Variants in CNTNAP2 observed in about 807,000 individuals in gnomAD.
CNTNAP2 encodes contactin associated protein 2.
Under a neutral mutation model 155.2 loss-of-function variants are expected in CNTNAP2, and 98 were observed. That is an observed-to-expected ratio of 0.63 (90% confidence interval 0.54 to 0.75). CNTNAP2 has a LOEUF of 0.75. Among genes scored for constraint, CNTNAP2 ranks in the 30% least tolerant of loss-of-function variants. The probability of loss-of-function intolerance (pLI) is 0.00; values close to 1 mark genes in which losing one functional copy is unlikely to be tolerated. For synonymous variants in CNTNAP2, 651 were observed against 631.2 expected, an observed-to-expected ratio of 1.03 and a Z score of -0.47; for missense variants, 1,727 against 1,688.1, an observed-to-expected ratio of 1.02 and a Z score of -0.40.
chr7:147,613,023 G>A (rs909323598), intron 12 of CNTNAP2, among the ~76,000 whole-genome samples: 4 of 151,982 alleles, frequency 2.6e-5, no homozygotes, highest in Middle Eastern at 3.4e-3. Flanking sequence ...AATTCCTTTA[G>A]GATATATAAC....
chr7:146,125,372 C>A (rs1334681431), intron 1 of CNTNAP2, among the ~76,000 whole-genome samples: 1 of 151,782 alleles, frequency 6.6e-6, no homozygotes, highest in Non-Finnish European at 1.5e-5. Context: ...GTCAGGAGAT[C>A]GAGAACATCC....
At chr7:146,856,293 GATAGATACATACATACATAC>G (rs1380570911) in intron 3 of CNTNAP2, among the ~76,000 whole-genome samples, 76 of 63,060 alleles carry the variant, frequency 1.2e-3, no homozygotes, top group African/African-American at 1.7e-3. Context: ...TAGATAGATA[GATAGATACATACATACATAC>G]ATACATACAT....
At chr7:146,833,991 A>G (rs1803566730) in intron 2 of CNTNAP2, among the ~76,000 whole-genome samples, 1 of 152,054 alleles carries the variant, frequency 6.6e-6, no homozygotes, top group African/African-American at 2.4e-5. Flanking sequence ...TCATAATGCA[A>G]TTTTGCCTGG....
At chr7:146,603,245 T>A (rs1013348315) in intron 1 of CNTNAP2, among the ~76,000 whole-genome samples, 1 of 151,042 alleles carries the variant, frequency 6.6e-6, no homozygotes, top group Admixed American at 6.6e-5. Flanking sequence ...ACCCCGTCTC[T>A]ACTAAAAATA....
chr7:146,861,147 G>T (rs532269516), intron 3 of CNTNAP2, among the ~76,000 whole-genome samples: 2 of 151,728 alleles, frequency 1.3e-5, no homozygotes, highest in South Asian at 2.1e-4. Flanking sequence ...TGCAACCTCC[G>T]CCTCCCGGGT....
At chr7:146,940,378 G>A (rs528847201) in intron 3 of CNTNAP2, among the ~76,000 whole-genome samples, 1 of 151,874 alleles carries the variant, frequency 6.6e-6, no homozygotes, top group South Asian at 2.1e-4. Context: ...TTGTATTTTA[G>A]TAGAGACGGG....
chr7:147,900,620 T>C (rs1316985814), intron 13 of CNTNAP2, among the ~76,000 whole-genome samples: 1 of 152,080 alleles, frequency 6.6e-6, no homozygotes, highest in African/African-American at 2.4e-5. Context: ...GTTTGTTTTG[T>C]TTTGTTTTGT....
intron 13 of CNTNAP2, among the ~76,000 whole-genome samples, chr7:147,814,254 G>A (rs987567370): frequency 9.2e-5 from 14 of 152,054 alleles, no homozygotes; most frequent in African/African-American, 3.4e-4. Context: ...GCTAAACAAG[G>A]CATAAAATTT....
chr7:148,154,345 T>G (rs1039043412), intron 17 of CNTNAP2, among the ~76,000 whole-genome samples: 1 of 152,148 alleles, frequency 6.6e-6, no homozygotes, highest in Non-Finnish European at 1.5e-5. Context: ...AGAGTTGAGG[T>G]TTATTAAATG....
chr7:147,703,278 C>T (rs995832234), intron 13 of CNTNAP2, among the ~76,000 whole-genome samples: 1 of 152,190 alleles, frequency 6.6e-6, no homozygotes, highest in African/African-American at 2.4e-5. Context: ...TTCTCACACA[C>T]TGGACTCTCT....
At chr7:147,221,608 A>G (rs901788877) in intron 8 of CNTNAP2, among the ~76,000 whole-genome samples, 3 of 152,220 alleles carry the variant, frequency 2.0e-5, no homozygotes, top group Non-Finnish European at 4.4e-5. Context: ...TTGTCAAGGC[A>G]GGGTGCTAAA....
intron 16 of CNTNAP2, among the ~76,000 whole-genome samples, chr7:148,137,021 G>C (rs1353529035): frequency 6.6e-6 from 1 of 152,166 alleles, no homozygotes; most frequent in African/African-American, 2.4e-5. Flanking sequence ...TTAAGTAGAA[G>C]TTGGCTGACA....
chr7:146,910,821 A>G (rs950067605), intron 3 of CNTNAP2, among the ~76,000 whole-genome samples: 130 of 149,134 alleles, frequency 8.7e-4, no homozygotes, highest in Non-Finnish European at 1.7e-3. Flanking sequence ...TAATTAAACT[A>G]AAGAGCTTCT....
At chr7:146,978,311 A>G (rs1243183468) in intron 3 of CNTNAP2, among the ~76,000 whole-genome samples, 1 of 152,160 alleles carries the variant, frequency 6.6e-6, no homozygotes, top group Non-Finnish European at 1.5e-5. Context: ...GATCATGGCC[A>G]CTTGACCCGG....
chr7:147,039,023 C>A (rs1799211078), intron 3 of CNTNAP2, among the ~76,000 whole-genome samples: 1 of 152,078 alleles, frequency 6.6e-6, no homozygotes. Flanking sequence ...TCCTTGCTAC[C>A]CCCACAAACA....
chr7:146,136,879 C>G lies in CNTNAP2; in HGVS notation c.97+19906C>G, dbSNP rs148039427. Among the ~76,000 whole-genome samples the G allele has an allele frequency of 4.9e-3, 743 of 152,186 alleles. 5 individuals carry two copies. The highest frequency in any genetic ancestry group is 0.017 in the African/African-American group (702 of 41,544). On this transcript the variant is annotated intron_variant, in intron 1 of 23. Transcript: ENST00000361727. ...CTTCGAAGTGTCAAAATAGCAGTGCCATTGTTCGTGGTGAATTTCCAGCAA... is the reference window on the plus strand; with the variant it reads ...CTTCGAAGTGTCAAAATAGCAGTGCGATTGTTCGTGGTGAATTTCCAGCAA...
chr7:146,747,509 T>C (rs1801829311), intron 1 of CNTNAP2, among the ~76,000 whole-genome samples: 2 of 152,212 alleles, frequency 1.3e-5, no homozygotes, highest in South Asian at 2.1e-4. Context: ...GTCTGTTTTA[T>C]AGTGAAAAAT....
intron 1 of CNTNAP2, among the ~76,000 whole-genome samples, chr7:146,621,963 T>C (rs1799325421): frequency 6.6e-6 from 1 of 152,160 alleles, no homozygotes; most frequent in African/African-American, 2.4e-5. Context: ...TTGGATTATA[T>C]TCTAATAGTA....
chr7:147,731,575 G>A (rs1003157720), intron 13 of CNTNAP2, among the ~76,000 whole-genome samples: 1 of 152,080 alleles, frequency 6.6e-6, no homozygotes, highest in Non-Finnish European at 1.5e-5. Context: ...AGATATACAA[G>A]AAGATTAATG....
Sources: gnomAD v4.1 joint callset for allele counts (sites outside exome capture counted in the v4.1 genomes callset) on GRCh38, gnomAD v4.1.1 for gene constraint, MANE v1.5 for transcripts, NCBI Gene and HGNC (gene_info 2026-07-23, HGNC 2026-07-21) for gene names.